The following SPHKAP variants were observed in gnomAD, a reference collection of about 807,000 sequenced individuals.
SPHKAP encodes the protein A-kinase anchor protein SPHKAP.
SPHKAP carries 67 observed loss-of-function variants against 137.5 expected under a neutral mutation model. That is an observed-to-expected ratio of 0.49 (90% CI 0.40 to 0.60). The LOEUF (loss-of-function observed/expected upper bound fraction) is 0.60. Among genes scored for constraint, SPHKAP ranks in the 20% least tolerant of loss-of-function variants. SPHKAP has a pLI of 0.00. For synonymous variants in SPHKAP, 813 were observed against 785.3 expected, an observed-to-expected ratio of 1.04 and a Z score of -0.59; for missense variants, 2,097 against 2,069.3, an observed-to-expected ratio of 1.01 and a Z score of -0.26.
intron 3 of SPHKAP, chr2:228,028,054 T>C: frequency 5.1e-6 from 5 of 985,350 alleles, no homozygotes; most frequent in Non-Finnish European, 6.0e-6. Flanking sequence ...AGCTTCCCAC[T>C]GGTCACAACA....
At chr2:228,083,901 G>A (rs879082199) in intron 3 of SPHKAP, among the ~76,000 whole-genome samples, 2 of 152,040 alleles carry the variant, frequency 1.3e-5, no homozygotes, top group African/African-American at 4.8e-5. Context: ...ATGGACACAG[G>A]GAGGGGGATA....
chr2:228,176,160 T>C (rs563679984), intron 1 of SPHKAP, among the ~76,000 whole-genome samples: 1 of 152,336 alleles, frequency 6.6e-6, no homozygotes, highest in South Asian at 2.1e-4. Context: ...AACCGGGATC[T>C]TAATTACCGT....
chr2:227,986,929 T>C (rs1188305640), intron 11 of SPHKAP, among the ~76,000 whole-genome samples: 1 of 152,240 alleles, frequency 6.6e-6, no homozygotes, highest in Admixed American at 6.5e-5. Context: ...CATGTGCGTG[T>C]CTTTTATTGG....
chr2:228,034,601 C>T (rs1232427671), intron 3 of SPHKAP, among the ~76,000 whole-genome samples: 1 of 152,178 alleles, frequency 6.6e-6, no homozygotes, highest in African/African-American at 2.4e-5. Flanking sequence ...AGACCAATAT[C>T]CTTGATGAAC....
chr2:228,025,932 C>T, intron 4 of SPHKAP: 1 of 903,380 alleles, frequency 1.1e-6, no homozygotes, highest in Non-Finnish European at 1.3e-6. Context: ...CAAATCTCAT[C>T]TTGTAGCTGC....
At chr2:228,111,255 C>T (rs900814397) in intron 2 of SPHKAP, among the ~76,000 whole-genome samples, 5 of 152,106 alleles carry the variant, frequency 3.3e-5, no homozygotes, top group African/African-American at 1.2e-4. Flanking sequence ...TCATTAGTAG[C>T]AGGATGACCT....
rs748039815 is a variant in SPHKAP, at chr2:228,017,983, G to A, written c.2871C>T (p.Pro957=). The A allele has an allele frequency of 5.0e-6, 8 of 1,613,978 alleles. No individual in the cohort carries two copies. The highest frequency in any genetic ancestry group is 3.3e-5 in the Admixed American group (2 of 59,990). Reference sequence around the variant, plus strand: ...TCCCTCTTTTCCATGCACAAAACCAGGGTTGTTTTCCACTGGAGTTGTCAA... The same window carrying A: ...TCCCTCTTTTCCATGCACAAAACCAAGGTTGTTTTCCACTGGAGTTGTCAA... The part of the protein sequence containing the change: ...ICLDNSSGKQ[P]WFCAWKRGSE... Residue 957 remains proline (P), a synonymous_variant, in exon 7 of 12, where the codon CCC becomes CCT. Coordinates refer to ENST00000392056, the MANE Select transcript of SPHKAP (RefSeq NM_001142644.2).
intron 1 of SPHKAP, among the ~76,000 whole-genome samples, chr2:228,147,703 C>T (rs1434586085): frequency 6.6e-6 from 1 of 152,086 alleles, no homozygotes; most frequent in Non-Finnish European, 1.5e-5. Flanking sequence ...TTGTTGTTAC[C>T]GAAGGGAGAT....
rs145297262 is a variant in SPHKAP at position 228,026,792 on chromosome 2, T to A, written c.306+692A>T. Among the ~76,000 whole-genome samples, 831 of 152,348 alleles carry A rather than the reference T, an allele frequency of 5.5e-3. 4 individuals are homozygous for A. Among genetic ancestry groups the A allele is most frequent in the Non-Finnish European group, 8.7e-3 (595 of 68,028 alleles). On this transcript the variant is annotated intron_variant, in intron 4 of 11. Coordinates refer to ENST00000392056, the MANE Select transcript of SPHKAP (RefSeq NM_001142644.2). ...TTGAGAAGCTTGAAGTGCAGCATTGTCAATATGGGAATAACTGTCAGTAAC... is the reference window on the plus strand; with the variant it reads ...TTGAGAAGCTTGAAGTGCAGCATTGACAATATGGGAATAACTGTCAGTAAC...
intron 3 of SPHKAP, among the ~76,000 whole-genome samples, chr2:228,073,592 A>G (rs866418339): frequency 1.2e-4 from 19 of 152,238 alleles, no homozygotes; most frequent in Non-Finnish European, 1.5e-4. Flanking sequence ...AGAGCCTGAC[A>G]CTTCAGGAAT....
chr2:228,016,414 T>G lies in SPHKAP; in HGVS notation c.4440A>C (p.Gln1480His), dbSNP rs1261943048. 2.5e-5 allele frequency: 39 copies of G among 1,589,514 alleles called. No individual in the cohort carries two copies. Among genetic ancestry groups the G allele is most frequent in the Admixed American group, 3.6e-5 (2 of 54,960 alleles). The change falls in exon 7 of 12, where the codon CAA becomes CAC. Residue 1480 changes from glutamine to histidine, a missense_variant. Coordinates refer to ENST00000392056, the MANE Select transcript of SPHKAP (RefSeq NM_001142644.2). ...TGAGACGATTCACTCACCTATGGAT[T>G]TGACAAGCGCTCACGGCTGTGTCTC... is the stretch of plus-strand genomic sequence containing the variant. ...RGGDTAVSAC[Q>H]IHSDSLDTRD...
rs1694693465 is a variant in SPHKAP at position 228,018,377 on chromosome 2, G to A, written c.2477C>T (p.Ala826Val). Residue 826 changes from alanine to valine, a missense_variant, in exon 7 of 12, where the codon GCT (alanine) becomes GTT (valine). Transcript: ENST00000392056. ...ATATATTTCCTTGGAGGATGTTGTAGCAGTTGAAGAATCGGGCACTCTGTG... is the reference window on the plus strand; with the variant it reads ...ATATATTTCCTTGGAGGATGTTGTAACAGTTGAAGAATCGGGCACTCTGTG... ...RSHRVPDSSTATTSSKEIYLK... is the reference protein window; with the variant it reads ...RSHRVPDSSTVTTSSKEIYLK... 6.2e-7 allele frequency: 1 copy of A among 1,614,174 alleles called. No individual in the cohort carries two copies.
intron 3 of SPHKAP, among the ~76,000 whole-genome samples, chr2:228,091,752 C>A (rs1397166967): frequency 2.0e-5 from 3 of 151,260 alleles, no homozygotes; most frequent in Non-Finnish European, 4.4e-5. Flanking sequence ...TGGCCATAAT[C>A]AAAAAATAAA....
intron 1 of SPHKAP, chr2:228,132,565 GTCT>G: frequency 1.1e-6 from 1 of 884,964 alleles, no homozygotes; most frequent in Non-Finnish European, 1.4e-6. Context: ...TGCAGGTAAT[GTCT>G]TTACCATTCC....
chr2:228,100,845 G>A (rs537632802), intron 3 of SPHKAP, among the ~76,000 whole-genome samples: 24 of 152,258 alleles, frequency 1.6e-4, no homozygotes, highest in African/African-American at 5.5e-4. Context: ...TGGTATCACA[G>A]TGATGCTGGC....
At chr2:228,144,609 A>C (rs1022389413) in intron 1 of SPHKAP, among the ~76,000 whole-genome samples, 9 of 152,070 alleles carry the variant, frequency 5.9e-5, no homozygotes, top group Non-Finnish European at 8.8e-5. Context: ...TTTATTTTAA[A>C]ATGGGTGATA....
intron 3 of SPHKAP, among the ~76,000 whole-genome samples, chr2:228,074,832 TTC>T (rs1338037017): frequency 6.6e-6 from 1 of 152,094 alleles, no homozygotes; most frequent in Admixed American, 6.6e-5. Context: ...CTTTTCTTCC[TTC>T]TCTCTCTCTC....
At chr2:228,116,576 T>C (rs534644316) in intron 2 of SPHKAP, among the ~76,000 whole-genome samples, 31 of 152,300 alleles carry the variant, frequency 2.0e-4, no homozygotes, top group African/African-American at 6.7e-4. Flanking sequence ...TTAACTTCAA[T>C]TGACTAACTG....
intron 1 of SPHKAP, among the ~76,000 whole-genome samples, chr2:228,164,244 A>G (rs1288538253): frequency 6.6e-6 from 1 of 152,080 alleles, no homozygotes; most frequent in African/African-American, 2.4e-5. Context: ...CAGGCCTTCA[A>G]CCACAGGCTG....
Sources: gnomAD v4.1 joint callset for allele counts (sites outside exome capture counted in the v4.1 genomes callset) on GRCh38, gnomAD v4.1.1 for gene constraint, MANE v1.5 for transcripts, NCBI Gene and HGNC (gene_info 2026-07-23, HGNC 2026-07-21) for gene names.